Variants in ZNF578 observed in about 807,000 individuals in gnomAD.
ZNF578 encodes the protein zinc finger protein 578.
Under a neutral mutation model 8.3 loss-of-function variants are expected in ZNF578, and 8 were observed. That is an observed-to-expected ratio of 0.96 (90% CI 0.56 to 1.74). The LOEUF (loss-of-function observed/expected upper bound fraction) is 1.74, where lower values mean the gene tolerates loss of function less well. ZNF578 is among the 40% of genes most tolerant of loss of function. The pLI, the probability that ZNF578 is intolerant of heterozygous loss-of-function variation, is 0.00. For synonymous variants in ZNF578, 206 were observed against 232.2 expected (o/e 0.89, Z 1.03); for missense variants, 726 against 707.5 (o/e 1.03, Z -0.30).
intron 3 of ZNF578, among the ~76,000 whole-genome samples, chr19:52,500,269 T>C (rs1159442481): frequency 6.6e-6 from 1 of 152,116 alleles, no homozygotes; most frequent in Non-Finnish European, 1.5e-5. Context: ...GAGACATCAA[T>C]CAATATATGT....
In ZNF578 at chr19:52,504,747, G is replaced by A. The variant is rs2059419416; in HGVS notation, c.156G>A (p.Val52=). ...CGCAGAGGGCTTTGTACAGGGAAGT[G>A]ATGTTGGAGAACTACAGGAACCTGG... ...NPAQRALYRE[V]MLENYRNLEA... The change falls in exon 5 of 6, where the codon GTG becomes GTA. Residue 52 remains valine (V), a synonymous_variant. Coordinates refer to ENST00000421239, the MANE Select transcript of ZNF578 (RefSeq NM_001099694.2). 6.2e-7 allele frequency: 1 copy of A among 1,614,028 alleles called. No individual in the cohort carries two copies. The highest frequency in any genetic ancestry group is 8.5e-7 in the Non-Finnish European group (1 of 1,180,032).
intron 3 of ZNF578, among the ~76,000 whole-genome samples, chr19:52,494,311 A>G (rs1383590811): frequency 1.3e-5 from 2 of 150,672 alleles, no homozygotes; most frequent in African/African-American, 4.9e-5. Context: ...AAATAGTGAG[A>G]CCCGCCATCG....
intron 4 of ZNF578, among the ~76,000 whole-genome samples, chr19:52,503,174 A>G (rs1465576811): frequency 3.3e-5 from 5 of 152,254 alleles, no homozygotes; most frequent in Non-Finnish European, 4.4e-5. Context: ...AAAGGTGTGC[A>G]CCACCATGTC....
Position 52,513,797 on chromosome 19 carries a change from G to A in ZNF578, c.*1643G>A, listed in dbSNP as rs531102860. Among the ~76,000 whole-genome samples the A allele has an allele frequency of 6.6e-6, 1 of 151,524 alleles. No homozygotes were observed. Among genetic ancestry groups the A allele is most frequent in the South Asian group, 2.1e-4 (1 of 4,808 alleles). On this transcript the variant is annotated 3_prime_UTR_variant, in exon 6 of 6. Transcript: ENST00000421239. ...CCACAGCACTTTGGAAGACTGAAGT[G>A]AGTGGATCATCTAAGATCAGAGTTC...
At chr19:52,475,099 G>A (rs1179048217) in intron 2 of ZNF578, 1 of 191,454 alleles carries the variant, frequency 5.2e-6, no homozygotes, top group Non-Finnish European at 1.1e-5. Flanking sequence ...GTTGTACAAT[G>A]TATGAATTTT....
In ZNF578 at chr19:52,496,599, G is replaced by A. The variant is rs564401890; in HGVS notation, c.-20+5174G>A. On this transcript the variant is annotated intron_variant, in intron 3 of 5. Transcript: ENST00000421239. ...CCGCCTCAGCCTCCCAAAGTGCTGG[G>A]ATTACAGGCGTGAGCCACCGCGCTC... Among the ~76,000 whole-genome samples, 112 of 149,884 alleles carry A rather than the reference G, an allele frequency of 7.5e-4. 2 individuals carry two copies. The highest frequency in any genetic ancestry group is 1.2e-3 in the Non-Finnish European group (78 of 67,742).
intron 2 of ZNF578, among the ~76,000 whole-genome samples, chr19:52,491,058 A>G (rs942769670): frequency 6.6e-6 from 1 of 151,870 alleles, no homozygotes; most frequent in African/African-American, 2.4e-5. Flanking sequence ...GTGGAAAAAC[A>G]CTCCTGACTT....
rs898543994 is a variant in ZNF578 at position 52,516,741 on chromosome 19, T to C, written c.*4587T>C. Among the ~76,000 whole-genome samples, 2 of 152,144 alleles carry C rather than the reference T, an allele frequency of 1.3e-5. No homozygotes were observed. Among genetic ancestry groups the C allele is most frequent in the Non-Finnish European group, 2.9e-5 (2 of 68,012 alleles). On this transcript the variant is annotated 3_prime_UTR_variant, in exon 6 of 6. Coordinates refer to ENST00000421239, the MANE Select transcript of ZNF578 (RefSeq NM_001099694.2). ...GACTTGGTGAGATCCACCCCCTGCC[T>C]GCAAAGCATTGCCCCTAACTCCACC... is the stretch of plus-strand genomic sequence containing the variant.
At chr19:52,492,068 G>A (rs1181689761) in intron 3 of ZNF578, among the ~76,000 whole-genome samples, 1 of 145,678 alleles carries the variant, frequency 6.9e-6, no homozygotes, top group Non-Finnish European at 1.5e-5. Context: ...TGAGGCAGGA[G>A]AATGGCGTGA....
At chr19:52,503,800 CTT>C (rs59166209) in intron 4 of ZNF578, among the ~76,000 whole-genome samples, 11 of 125,462 alleles carry the variant, frequency 8.8e-5, no homozygotes, top group Admixed American at 1.7e-4. Flanking sequence ...CCTGTGTTTG[CTT>C]TTTTTTTTTT....
intron 2 of ZNF578, among the ~76,000 whole-genome samples, chr19:52,476,682 AG>A (rs1177468536): frequency 1.3e-5 from 2 of 152,236 alleles, no homozygotes; most frequent in Non-Finnish European, 2.9e-5. Flanking sequence ...AGAGCTGAAA[AG>A]TATATGACTG....
intron 2 of ZNF578, among the ~76,000 whole-genome samples, chr19:52,463,838 C>A (rs2059266134): frequency 6.6e-6 from 1 of 152,102 alleles, no homozygotes; most frequent in Admixed American, 6.5e-5. Flanking sequence ...GTACTGTAGC[C>A]ATCAGTAAAA....
chr19:52,470,603 G>T (rs1208449736), intron 2 of ZNF578, among the ~76,000 whole-genome samples: 1 of 152,070 alleles, frequency 6.6e-6, no homozygotes, highest in Non-Finnish European at 1.5e-5. Flanking sequence ...CCTCAGTGTG[G>T]GTGGGCACCA....
At chr19:52,485,906 T>A (rs1170459041) in intron 2 of ZNF578, among the ~76,000 whole-genome samples, 1 of 152,126 alleles carries the variant, frequency 6.6e-6, no homozygotes, top group Non-Finnish European at 1.5e-5. Context: ...GTCTGAAATA[T>A]GGCCTCGTGG....
At chr19:52,500,286 T>A (rs10423922) in intron 3 of ZNF578, among the ~76,000 whole-genome samples, 19,354 of 152,096 alleles carry the variant, frequency 0.13, 1,444 homozygotes, top group African/African-American at 0.21. Flanking sequence ...ATGTAAGAAG[T>A]ACGTTGGTTT....
At chr19:52,492,332 T>C (rs2059368533) in intron 3 of ZNF578, among the ~76,000 whole-genome samples, 1 of 152,070 alleles carries the variant, frequency 6.6e-6, no homozygotes, top group South Asian at 2.1e-4. Flanking sequence ...CGTGCCCGCA[T>C]CCCTGCTGTG....
rs746409386 is a variant in ZNF578 at position 52,511,814 on chromosome 19, C to A, written c.1433C>A (p.Thr478Asn). ...SNLERHKIIH[T>N]GEKPYKCNEC... Reference sequence around the variant, plus strand: ...CTTGAGAGACACAAGATAATTCATACTGGAGAGAAACCTTACAAGTGTAAT... The same window carrying A: ...CTTGAGAGACACAAGATAATTCATAATGGAGAGAAACCTTACAAGTGTAAT... Residue 478 changes from threonine (T) to asparagine (N), a missense_variant, in exon 6 of 6, where the codon ACT (threonine) becomes AAT (asparagine). Coordinates refer to ENST00000421239, the MANE Select transcript of ZNF578 (RefSeq NM_001099694.2). The A allele has an allele frequency of 1.9e-6, 3 of 1,613,792 alleles. No homozygotes were observed. Among genetic ancestry groups the A allele is most frequent in the South Asian group, 2.2e-5 (2 of 91,078 alleles).
intron 1 of ZNF578, chr19:52,454,440 G>C (rs2031810947): frequency 6.6e-6 from 1 of 152,166 alleles, no homozygotes; most frequent in Non-Finnish European, 1.5e-5. Flanking sequence ...TTCAGATGTC[G>C]GTTACAAGTC....
intron 4 of ZNF578, 49 bp downstream of exon 4, chr19:52,501,957 G>C (rs374729386): frequency 2.2e-5 from 35 of 1,599,608 alleles, no homozygotes; most frequent in Non-Finnish European, 1.2e-5. Context: ...CCTTTCTGAA[G>C]TGTAGTAGTA....
Sources: gnomAD v4.1 joint callset for allele counts (sites outside exome capture counted in the v4.1 genomes callset) on GRCh38, gnomAD v4.1.1 for gene constraint, MANE v1.5 for transcripts, NCBI Gene and HGNC (gene_info 2026-07-23, HGNC 2026-07-21) for gene names.